The following HDAC9 variants were observed in gnomAD, a reference collection of about 807,000 sequenced individuals.
HDAC9 encodes the protein histone deacetylase 9.
Under a neutral mutation model 139.4 loss-of-function variants are expected in HDAC9, and 41 were observed. The ratio of observed to expected loss-of-function variants is 0.29; its 90% CI spans 0.23 to 0.38. HDAC9 has a LOEUF of 0.38. Among genes scored for constraint, HDAC9 ranks in the 10% least tolerant of loss-of-function variants. The pLI, the probability that HDAC9 is intolerant of heterozygous loss-of-function variation, is 1.00. For synonymous variants in HDAC9, 517 were observed against 476.2 expected, an observed-to-expected ratio of 1.09 and a Z score of -1.12; for missense variants, 1,147 against 1,297.0, an observed-to-expected ratio of 0.88 and a Z score of 1.78.
chr7:18,842,233 G>A (rs1796630712), intron 21 of HDAC9, among the ~76,000 whole-genome samples: 1 of 152,058 alleles, frequency 6.6e-6, no homozygotes, highest in Non-Finnish European at 1.5e-5. Flanking sequence ...CAAGGATGTT[G>A]AAGACAGTTT....
Position 18,593,961 on chromosome 7 carries a change from C to A in HDAC9, c.596C>A (p.Ser199Tyr). The A allele has an allele frequency of 1.2e-6, 2 of 1,612,764 alleles. No individual in the cohort carries two copies. The highest frequency in any genetic ancestry group is 1.7e-6 in the Non-Finnish European group (2 of 1,178,980). The part of the protein sequence containing the change: ...DQSSPPLSGT[S>Y]PSYKYTLPGA... ...AGCTCTCCACCCCTTAGTGGAACAT[C>A]TCCATCCTACAAGTACACATTACCA... Residue 199 changes from serine to tyrosine, a missense_variant, in exon 6 of 26, where the codon TCT becomes TAT. By Grantham distance (144) the Ser-to-Tyr change is moderately radical. Transcript: ENST00000686413.
At chr7:18,478,204 TG>T (rs1795273031) in intron 1 of HDAC9, among the ~76,000 whole-genome samples, 1 of 152,112 alleles carries the variant, frequency 6.6e-6, no homozygotes, top group African/African-American at 2.4e-5. Context: ...CCCGAGTAGC[TG>T]GGACTACAGG....
intron 6 of HDAC9, among the ~76,000 whole-genome samples, chr7:18,622,600 G>A (rs1045009295): frequency 3.9e-5 from 6 of 151,956 alleles, no homozygotes; most frequent in East Asian, 1.9e-4. Context: ...GGGATTACGG[G>A]TGTGAGCCAC....
chr7:18,481,752 C>T (rs1211369749), intron 1 of HDAC9, among the ~76,000 whole-genome samples: 1 of 152,140 alleles, frequency 6.6e-6, no homozygotes, highest in Non-Finnish European at 1.5e-5. Flanking sequence ...TATGAATCTT[C>T]AGTTCACCCC....
At chr7:18,126,191 T>G (rs1784657659) in intron 1 of HDAC9, among the ~76,000 whole-genome samples, 1 of 152,226 alleles carries the variant, frequency 6.6e-6, no homozygotes, top group Admixed American at 6.5e-5. Context: ...TGTATTATTA[T>G]TATTTTAAAA....
At chr7:18,353,449 C>T (rs533944350) in intron 1 of HDAC9, among the ~76,000 whole-genome samples, 3 of 152,168 alleles carry the variant, frequency 2.0e-5, no homozygotes, top group African/African-American at 7.2e-5. Flanking sequence ...CTTGTTATAC[C>T]ACAAAGAATT....
At chr7:18,436,484 T>C (rs1392699323) in intron 1 of HDAC9, among the ~76,000 whole-genome samples, 1 of 152,246 alleles carries the variant, frequency 6.6e-6, no homozygotes, top group Middle Eastern at 3.2e-3. Flanking sequence ...TGCTAATTTC[T>C]GATAGACTGA....
intron 6 of HDAC9, among the ~76,000 whole-genome samples, chr7:18,608,811 A>G (rs905480361): frequency 3.3e-5 from 5 of 152,206 alleles, no homozygotes; most frequent in African/African-American, 4.8e-5. Context: ...AGGAGCTCAC[A>G]GTCTTCATAG....
chr7:18,785,730 T>C (rs1443974054), intron 16 of HDAC9, among the ~76,000 whole-genome samples: 2 of 152,156 alleles, frequency 1.3e-5, no homozygotes, highest in Admixed American at 6.5e-5. Context: ...TATTTTACTT[T>C]TTGGATTTTG....
chr7:18,635,838 T>C (rs895574751), intron 8 of HDAC9, among the ~76,000 whole-genome samples: 1 of 152,086 alleles, frequency 6.6e-6, no homozygotes, highest in Admixed American at 6.6e-5. Flanking sequence ...ACACTTCTGC[T>C]TATAGGGAGC....
intron 2 of HDAC9, among the ~76,000 whole-genome samples, chr7:18,222,959 A>G (rs973413654): frequency 6.6e-6 from 1 of 152,178 alleles, no homozygotes; most frequent in African/African-American, 2.4e-5. Context: ...GCTCTCTAAA[A>G]GGTTTTGCCA....
intron 2 of HDAC9, among the ~76,000 whole-genome samples, chr7:18,189,754 C>T (rs144208095): frequency 6.7e-4 from 102 of 152,280 alleles, no homozygotes; most frequent in African/African-American, 2.4e-3. Flanking sequence ...CCCTTTCTCA[C>T]GCATTACTGA....
intron 12 of HDAC9, among the ~76,000 whole-genome samples, chr7:18,687,953 C>T (rs1203875007): frequency 6.6e-6 from 1 of 151,630 alleles, no homozygotes; most frequent in Non-Finnish European, 1.5e-5. Flanking sequence ...TAGAATTTTT[C>T]CCTAATGTAA....
At position 18,281,978 on chromosome 7, in the gene HDAC9, G is replaced by A. The variant is rs114521394; in HGVS notation, c.25+119629G>A. Among the ~76,000 whole-genome samples the A allele has an allele frequency of 3.1e-3, 466 of 152,164 alleles. 3 individuals are homozygous for A. Among genetic ancestry groups the A allele is most frequent in the African/African-American group, 7.3e-3 (302 of 41,506 alleles). ...ATTGTTTGCCTGAAACTAAGTACACGTTTTATTCTTGACTCAATAGGATTA... is the reference window on the plus strand; with the variant it reads ...ATTGTTTGCCTGAAACTAAGTACACATTTTATTCTTGACTCAATAGGATTA... On this transcript the variant is annotated intron_variant, in intron 2 of 12. Coordinates refer to the HDAC9 transcript ENST00000417496.
At chr7:18,236,130 A>C (rs1793797640) in intron 2 of HDAC9, among the ~76,000 whole-genome samples, 1 of 152,148 alleles carries the variant, frequency 6.6e-6, no homozygotes, top group Non-Finnish European at 1.5e-5. Context: ...ATGAGGAGCT[A>C]ATGTCACCTG....
intron 22 of HDAC9, among the ~76,000 whole-genome samples, chr7:18,877,546 A>G (rs1397557840): frequency 6.6e-6 from 1 of 152,186 alleles, no homozygotes; most frequent in African/African-American, 2.4e-5. Context: ...AATTACAGAG[A>G]GTGGTTTTGA....
intron 2 of HDAC9, among the ~76,000 whole-genome samples, chr7:18,230,677 GT>G (rs1243289096): frequency 6.6e-6 from 1 of 152,154 alleles, no homozygotes; most frequent in African/African-American, 2.4e-5. Context: ...ATGTTAATGG[GT>G]TTTGGTCTTT....
chr7:18,243,512 T>G (rs922775603), intron 2 of HDAC9, among the ~76,000 whole-genome samples: 8 of 152,246 alleles, frequency 5.3e-5, no homozygotes, highest in African/African-American at 1.9e-4. Context: ...ATAGAATGGC[T>G]GTGCTCCTTC....
In HDAC9 at chr7:18,872,377, C is replaced by T. The variant is rs542674487; in HGVS notation, c.2685-2101C>T. On this transcript the variant is annotated intron_variant, in intron 21 of 25. Transcript: ENST00000686413. Reference sequence around the variant, plus strand: ...GCTTCAGATAGAAACCAGTAGATTCCGTATATTCAGAGATATGTGGCATAG... The same window carrying T: ...GCTTCAGATAGAAACCAGTAGATTCTGTATATTCAGAGATATGTGGCATAG... 9.9e-5 allele frequency among the ~76,000 whole-genome samples: 15 copies of T among 152,150 alleles called. No homozygotes were observed. The South Asian group carries it at 2.7e-3, about 27-fold the overall frequency.
Sources: gnomAD v4.1 joint callset for allele counts (sites outside exome capture counted in the v4.1 genomes callset) on GRCh38, gnomAD v4.1.1 for gene constraint, MANE v1.5 for transcripts, NCBI Gene and HGNC (gene_info 2026-07-23, HGNC 2026-07-21) for gene names.